The following CNBD1 variants were observed in gnomAD, a reference collection of about 807,000 sequenced individuals.
CNBD1 encodes the protein cyclic nucleotide-binding domain-containing protein 1.
CNBD1 carries 71 observed loss-of-function variants against 54.4 expected under a neutral mutation model. That is an observed-to-expected ratio of 1.30 (90% CI 1.08 to 1.59). CNBD1 has a LOEUF of 1.59. CNBD1 is among the 40% of genes most tolerant of loss of function. The probability of loss-of-function intolerance (pLI) is 0.00; values close to 1 mark genes in which losing one functional copy is unlikely to be tolerated. For synonymous variants in CNBD1, 182 were observed against 170.7 expected, an observed-to-expected ratio of 1.07 and a Z score of -0.51; for missense variants, 659 against 518.0, an observed-to-expected ratio of 1.27 and a Z score of -2.64.
At position 87,117,291 on chromosome 8, in the gene CNBD1, C is replaced by G. The variant is rs552578377; in HGVS notation, c.432-88702C>G. 6.6e-5 allele frequency among the ~76,000 whole-genome samples: 10 copies of G among 151,074 alleles called. No homozygotes were observed. In the East Asian group the frequency reaches 2.0e-3, roughly 30 times the overall value. ...GCAGGTGCCTATAATCCCAGCTACTCAGGAGGCTGAGGGACGAGAATTGCT... is the reference window on the plus strand; with the variant it reads ...GCAGGTGCCTATAATCCCAGCTACTGAGGAGGCTGAGGGACGAGAATTGCT... On this transcript the variant is annotated intron_variant, in intron 4 of 10. Coordinates refer to ENST00000518476, the MANE Select transcript of CNBD1 (RefSeq NM_173538.3).
At chr8:87,364,895 A>T (rs1810610304) in intron 10 of CNBD1, among the ~76,000 whole-genome samples, 2 of 152,054 alleles carry the variant, frequency 1.3e-5, no homozygotes, top group Non-Finnish European at 1.5e-5. Flanking sequence ...TCTATTGTAG[A>T]TGGGCATTTA....
At chr8:87,372,530 A>T (rs1810834794) in intron 10 of CNBD1, among the ~76,000 whole-genome samples, 1 of 151,938 alleles carries the variant, frequency 6.6e-6, no homozygotes. Flanking sequence ...GAGTCACCAT[A>T]AACGTGGTCT....
At chr8:87,192,001 A>T (rs985429605) in intron 4 of CNBD1, among the ~76,000 whole-genome samples, 1 of 152,190 alleles carries the variant, frequency 6.6e-6, no homozygotes, top group Non-Finnish European at 1.5e-5. Context: ...TGTGAATCTA[A>T]AGGAAATATT....
In CNBD1 at chr8:86,898,751, TG is replaced by T. The variant is rs1270356635; in HGVS notation, c.159-6327del. 1.1e-4 allele frequency among the ~76,000 whole-genome samples: 17 copies of T among 152,214 alleles called. No homozygotes were observed. In the East Asian group the frequency reaches 1.7e-3, roughly 16 times the overall value. On this transcript the variant is annotated intron_variant, in intron 2 of 10. Transcript: ENST00000518476. The stretch of plus-strand genomic sequence containing the variant: ...AACAAAGAAAAATTCTAGGTAACGT[TG>T]GGTTTGGTGATGACTTCTTAGGTAA...
intron 2 of CNBD1, among the ~76,000 whole-genome samples, chr8:87,396,222 TGAG>T (rs1255244722): frequency 6.6e-6 from 1 of 151,958 alleles, no homozygotes; most frequent in Non-Finnish European, 1.5e-5. Flanking sequence ...TTGTGACTTA[TGAG>T]ATACTACAGT....
At chr8:86,975,217 A>G (rs1808314313) in intron 4 of CNBD1, among the ~76,000 whole-genome samples, 1 of 152,092 alleles carries the variant, frequency 6.6e-6, no homozygotes, top group Admixed American at 6.5e-5. Flanking sequence ...TATATCTGTC[A>G]TCTCACATAG....
intron 4 of CNBD1, among the ~76,000 whole-genome samples, chr8:87,140,206 C>T (rs564681465): frequency 4.6e-4 from 70 of 152,180 alleles, no homozygotes; most frequent in Middle Eastern, 3.4e-3. Context: ...CTGTCTCTGT[C>T]TCTCTTCTCT....
chr8:87,224,113 T>A lies in CNBD1; in HGVS notation c.578-12806T>A, dbSNP rs529933433. On this transcript the variant is annotated intron_variant, in intron 5 of 10. Coordinates refer to ENST00000518476, the MANE Select transcript of CNBD1 (RefSeq NM_173538.3). ...TGTTTGTTTTTTTCTTGTAAATTTGTTTGAGTTCATTGTAGATTCTGGATA... is the reference window on the plus strand; with the variant it reads ...TGTTTGTTTTTTTCTTGTAAATTTGATTGAGTTCATTGTAGATTCTGGATA... 2.1e-3 allele frequency among the ~76,000 whole-genome samples: 318 copies of A among 152,024 alleles called. 7 individuals carry two copies. The South Asian group carries it at 0.021, about 10-fold the overall frequency.
At chr8:86,916,607 G>C (rs1809189523) in intron 3 of CNBD1, among the ~76,000 whole-genome samples, 1 of 151,950 alleles carries the variant, frequency 6.6e-6, no homozygotes, top group Non-Finnish European at 1.5e-5. Flanking sequence ...CCAATTCCTG[G>C]GATCTTATTG....
intron 8 of CNBD1, among the ~76,000 whole-genome samples, chr8:87,337,525 G>A (rs1348000564): frequency 3.9e-5 from 6 of 152,338 alleles, no homozygotes; most frequent in African/African-American, 1.4e-4. Flanking sequence ...CCTCCCCCTG[G>A]CTTAGGCCAA....
chr8:87,308,883 C>T (rs74932875), intron 8 of CNBD1, among the ~76,000 whole-genome samples: 2,265 of 152,182 alleles, frequency 0.015, 60 homozygotes, highest in African/African-American at 0.049. Context: ...AATATACCGA[C>T]CTCTAATTTT....
intron 4 of CNBD1, among the ~76,000 whole-genome samples, chr8:87,095,635 T>C (rs1811301302): frequency 6.6e-6 from 1 of 152,232 alleles, no homozygotes; most frequent in African/African-American, 2.4e-5. Flanking sequence ...TATTAGCATC[T>C]GAATGACCAT....
chr8:87,236,903 G>C lies in CNBD1; in HGVS notation c.578-16G>C, dbSNP rs1422574016. 2 of 1,560,668 alleles carry C rather than the reference G, an allele frequency of 1.3e-6. No individual in the cohort carries two copies. Among genetic ancestry groups the C allele is most frequent in the Non-Finnish European group, 1.7e-6 (2 of 1,148,202 alleles). On this transcript the variant is annotated splice_polypyrimidine_tract_variant and intron_variant, in intron 5 of 10. Transcript: ENST00000518476. ...CTGAGCACACAGTATATATTTTTTG[G>C]CTTTGTTTTTTTCAGTGGTTGCAAA...
chr8:87,112,337 G>T (rs1811680775), intron 4 of CNBD1, among the ~76,000 whole-genome samples: 1 of 152,044 alleles, frequency 6.6e-6, no homozygotes, highest in South Asian at 2.1e-4. Flanking sequence ...TATCTAATAA[G>T]GCCTTGATTT....
chr8:87,200,467 A>G (rs1347280297), intron 4 of CNBD1, among the ~76,000 whole-genome samples: 1 of 152,130 alleles, frequency 6.6e-6, no homozygotes. Context: ...TGAATAAGAA[A>G]AAACAATTAG....
chr8:87,199,769 T>C (rs949260260), intron 4 of CNBD1, among the ~76,000 whole-genome samples: 1 of 152,164 alleles, frequency 6.6e-6, no homozygotes, highest in Non-Finnish European at 1.5e-5. Flanking sequence ...TATTTCTTGG[T>C]GAAGATTTGG....
chr8:87,405,739 C>A (rs1399964375), intron 2 of CNBD1, among the ~76,000 whole-genome samples: 2 of 152,258 alleles, frequency 1.3e-5, no homozygotes, highest in Non-Finnish European at 1.5e-5. Flanking sequence ...TGAAATGTGA[C>A]TAACAATGCC....
At chr8:87,134,914 C>G (rs560346326) in intron 4 of CNBD1, among the ~76,000 whole-genome samples, 1 of 152,032 alleles carries the variant, frequency 6.6e-6, no homozygotes, top group Admixed American at 6.6e-5. Flanking sequence ...CAGCCAGATT[C>G]CAATTTTAAT....
chr8:87,355,370 A>T (rs1433522788), intron 10 of CNBD1, among the ~76,000 whole-genome samples: 1 of 152,114 alleles, frequency 6.6e-6, no homozygotes, highest in South Asian at 2.1e-4. Flanking sequence ...TTTTTGGTTC[A>T]GGTCAAGTAT....
Sources: allele counts gnomAD v4.1 joint callset (sites outside exome capture counted in the v4.1 genomes callset), GRCh38; gene constraint gnomAD v4.1.1; transcripts MANE v1.5; gene names NCBI Gene and HGNC (gene_info 2026-07-23, HGNC 2026-07-21).